The following MYRIP variants were observed in gnomAD, a reference collection of about 807,000 sequenced individuals.
MYRIP encodes rab effector MyRIP.
Under a neutral mutation model 98.0 loss-of-function variants are expected in MYRIP, and 49 were observed. That is an observed-to-expected ratio of 0.50 (90% CI 0.40 to 0.63). MYRIP has a LOEUF of 0.63. MYRIP is among the 30% of genes least tolerant of loss of function. MYRIP has a pLI of 0.00. For synonymous variants in MYRIP, 404 were observed against 409.5 expected (o/e 0.99, Z 0.16); for missense variants, 1,004 against 1,058.2 (o/e 0.95, Z 0.71).
intron 2 of MYRIP, among the ~76,000 whole-genome samples, chr3:39,997,858 T>C (rs1446890087): frequency 2.0e-5 from 3 of 152,080 alleles, no homozygotes; most frequent in African/African-American, 7.2e-5. Flanking sequence ...GCTTCATCCC[T>C]GCGATGCAAG....
intron 11 of MYRIP, among the ~76,000 whole-genome samples, chr3:40,221,042 CAAAAAAA>C (rs150976340): frequency 1.2e-3 from 74 of 61,600 alleles, no homozygotes; most frequent in African/African-American, 3.6e-3. Context: ...GGCAAGTCAC[CAAAAAAA>C]AAAAAAAAAA....
intron 3 of MYRIP, among the ~76,000 whole-genome samples, chr3:40,090,194 C>G (rs539519759): frequency 4.6e-4 from 70 of 152,194 alleles, no homozygotes; most frequent in African/African-American, 1.6e-3. Flanking sequence ...CTTTCTGGGC[C>G]TCATCTGTGA....
intron 1 of MYRIP, among the ~76,000 whole-genome samples, chr3:39,898,742 A>C (rs1458206393): frequency 6.6e-6 from 1 of 152,176 alleles, no homozygotes; most frequent in East Asian, 1.9e-4. Flanking sequence ...ACATTTATAA[A>C]TGTAGTTTAT....
At chr3:40,153,213 C>A (rs1037058627) in intron 4 of MYRIP, among the ~76,000 whole-genome samples, 1 of 152,074 alleles carries the variant, frequency 6.6e-6, no homozygotes, top group Non-Finnish European at 1.5e-5. Flanking sequence ...GTCGAGATTT[C>A]TTTTGGAGAA....
At chr3:40,113,995 T>G (rs1451387909) in intron 3 of MYRIP, among the ~76,000 whole-genome samples, 1 of 152,154 alleles carries the variant, frequency 6.6e-6, no homozygotes, top group African/African-American at 2.4e-5. Context: ...AGCCAAGAAT[T>G]TACTTTTATA....
rs140707120 is a variant in MYRIP at position 40,246,504 on chromosome 3, G to T, written c.2262+1897G>T. Among the ~76,000 whole-genome samples the T allele has an allele frequency of 1.2e-3, 186 of 152,320 alleles. 2 individuals carry two copies. The highest frequency in any genetic ancestry group is 3.4e-3 in the Middle Eastern group (1 of 294). ...CAAATATGCATTTATTTTCAGGTGG[G>T]TGAGGGGACAATTTCTAGTCTCCTC... On this transcript the variant is annotated intron_variant, in intron 13 of 16. Coordinates refer to ENST00000302541, the MANE Select transcript of MYRIP (RefSeq NM_015460.4).
At chr3:39,819,739 G>A (rs1466008109) in intron 1 of MYRIP, among the ~76,000 whole-genome samples, 2 of 152,174 alleles carry the variant, frequency 1.3e-5, no homozygotes, top group Non-Finnish European at 2.9e-5. Context: ...GGGATGGGCT[G>A]GATGATTTAC....
At chr3:40,084,766 T>C (rs1392081013) in intron 3 of MYRIP, among the ~76,000 whole-genome samples, 1 of 51,804 alleles carries the variant, frequency 1.9e-5, no homozygotes, top group Non-Finnish European at 4.8e-5. Flanking sequence ...TACATGTCGA[T>C]AGATAATATA....
chr3:40,110,259 ATTTATTTGCAGGTTACTTTGCCCAG>A (rs755285345), intron 3 of MYRIP, among the ~76,000 whole-genome samples: 72 of 152,354 alleles, frequency 4.7e-4, no homozygotes, highest in Non-Finnish European at 6.9e-4. Context: ...GCATATTTGC[ATTTATTTGCAGGTTACTTTGCCCAG>A]AAGTAAGCCT....
intron 3 of MYRIP, among the ~76,000 whole-genome samples, chr3:40,087,354 C>G (rs1193600596): frequency 2.0e-5 from 3 of 152,166 alleles, no homozygotes; most frequent in Non-Finnish European, 4.4e-5. Context: ...GGAGTAAGCA[C>G]TGATACATGT....
intron 1 of MYRIP, among the ~76,000 whole-genome samples, chr3:39,863,161 G>A (rs1292642887): frequency 6.6e-6 from 1 of 152,084 alleles, no homozygotes; most frequent in Non-Finnish European, 1.5e-5. Context: ...CTAAAGCTGT[G>A]TTAAGAGGGA....
intron 1 of MYRIP, among the ~76,000 whole-genome samples, chr3:39,866,496 G>A (rs779466084): frequency 1.3e-5 from 2 of 151,954 alleles, no homozygotes; most frequent in Non-Finnish European, 2.9e-5. Flanking sequence ...TTGAGACGGA[G>A]TTTCGCTCTT....
At chr3:40,112,998 A>T (rs915437712) in intron 3 of MYRIP, among the ~76,000 whole-genome samples, 21 of 152,200 alleles carry the variant, frequency 1.4e-4, no homozygotes, top group African/African-American at 5.1e-4. Flanking sequence ...GGTGGGACCA[A>T]TGCAGATGGA....
At chr3:40,189,543 T>A (rs1398323652) in intron 9 of MYRIP, among the ~76,000 whole-genome samples, 1 of 152,180 alleles carries the variant, frequency 6.6e-6, no homozygotes, top group East Asian at 1.9e-4. Flanking sequence ...GGGACAGTGC[T>A]GAGGAGACTG....
At chr3:40,182,038 G>A (rs141195870) in intron 8 of MYRIP, among the ~76,000 whole-genome samples, 182 bp from the exon 9 acceptor site, 13 of 152,324 alleles carry the variant, frequency 8.5e-5, no homozygotes, top group Admixed American at 1.3e-4. Context: ...GACTTGCAAG[G>A]GAATAAACAT....
At chr3:40,199,528 T>A (rs569631958) in intron 10 of MYRIP, among the ~76,000 whole-genome samples, 4 of 152,256 alleles carry the variant, frequency 2.6e-5, no homozygotes, top group South Asian at 4.2e-4. Flanking sequence ...GTAAGCTGAG[T>A]TGGAGGTAGT....
rs117930072 is a variant in MYRIP, at chr3:39,841,626, G to A, written c.-31+31710G>A. Among the ~76,000 whole-genome samples the A allele has an allele frequency of 1.4e-3, 209 of 152,142 alleles. 6 individuals carry two copies. In the East Asian group the frequency reaches 0.038, roughly 28 times the overall value. On this transcript the variant is annotated intron_variant, in intron 1 of 16. Coordinates refer to ENST00000302541, the MANE Select transcript of MYRIP (RefSeq NM_015460.4). ...TTGGTCTTTTATATTGGTGACCTTCGGATGGGGTTTGTGCCATTGGGGTCC... is the reference window on the plus strand; with the variant it reads ...TTGGTCTTTTATATTGGTGACCTTCAGATGGGGTTTGTGCCATTGGGGTCC...
rs370014846 is a variant in MYRIP at position 40,252,888 on chromosome 3, T to C, written c.2547+889T>C. Among the ~76,000 whole-genome samples, 7 of 152,288 alleles carry C rather than the reference T, an allele frequency of 4.6e-5. No individual in the cohort carries two copies. The South Asian group carries it at 6.2e-4, about 14-fold the overall frequency. On this transcript the variant is annotated intron_variant, in intron 16 of 16. Coordinates refer to ENST00000302541, the MANE Select transcript of MYRIP (RefSeq NM_015460.4). ...ACCTTCCTACAGAGAGTAAAAAATA[T>C]TACCACCATAGTTGGCCCAAAAGCA...
intron 4 of MYRIP, among the ~76,000 whole-genome samples, chr3:40,155,322 C>T (rs1442082029): frequency 6.6e-6 from 1 of 151,362 alleles, no homozygotes; most frequent in Non-Finnish European, 1.5e-5. Context: ...GACATGAACT[C>T]ATCATTTTTT....
Sources: gnomAD v4.1 joint callset for allele counts (sites outside exome capture counted in the v4.1 genomes callset) on GRCh38, gnomAD v4.1.1 for gene constraint, MANE v1.5 for transcripts, NCBI Gene and HGNC (gene_info 2026-07-23, HGNC 2026-07-21) for gene names.